The following PRKCA variants were observed in gnomAD, a reference collection of about 807,000 sequenced individuals.
PRKCA encodes the protein protein kinase C alpha.
A neutral mutation model predicts 87.0 loss-of-function variants in PRKCA; 27 were observed. The ratio of observed to expected loss-of-function variants is 0.31; its 90% confidence interval spans 0.23 to 0.43. PRKCA has a LOEUF of 0.43. PRKCA is among the 20% of genes least tolerant of loss of function. The pLI, the probability that PRKCA is intolerant of heterozygous loss-of-function variation, is 1.00. For missense variants in PRKCA, 518 were observed against 852.3 expected (o/e 0.61, Z 4.88); for synonymous variants, 329 against 311.1 (o/e 1.06, Z -0.61).
At chr17:66,586,412 A>G (rs1008889934) in intron 3 of PRKCA, among the ~76,000 whole-genome samples, 2 of 152,226 alleles carry the variant, frequency 1.3e-5, no homozygotes, top group African/African-American at 2.4e-5. Flanking sequence ...CTTTCTGCTA[A>G]TAATATCTTC....
Position 66,306,100 on chromosome 17 carries a change from T to C in PRKCA, c.178T>C (p.Phe60Leu), listed in dbSNP as rs1208642777. The C allele has an allele frequency of 6.2e-7, 1 of 1,612,184 alleles. No individual in the cohort carries two copies. The highest frequency in any genetic ancestry group is 8.5e-7 in the Non-Finnish European group (1 of 1,179,402). Residue 60 changes from phenylalanine to leucine, a missense_variant, in exon 2 of 17, where the codon TTT (phenylalanine) becomes CTT (leucine). Physicochemically the swap from Phe to Leu is conservative, Grantham distance 22. Transcript: ENST00000413366. ...GTTCTTGTTTTTGTTTTTCAGGGGG[T>C]TTGGGAAACAAGGCTTCCAGTGCCA... ...CSHCTDFIWG[F>L]GKQGFQCQVC...
In PRKCA at chr17:66,409,667, C is replaced by T. The variant is rs1268517414; in HGVS notation, c.206-86534C>T. ...ACTCAGGGCTGGGCGCGGTGGCTCA[C>T]GCCTGTAATCCCAGCACTTTGGGAG... On this transcript the variant is annotated intron_variant, in intron 2 of 16. Coordinates refer to ENST00000413366, the MANE Select transcript of PRKCA (RefSeq NM_002737.3). 2.3e-4 allele frequency among the ~76,000 whole-genome samples: 35 copies of T among 152,292 alleles called. 1 individual carries two copies. The highest frequency in any genetic ancestry group is 2.0e-3 in the Admixed American group (31 of 15,300).
chr17:66,795,951 T>C (rs1241633116), intron 16 of PRKCA, among the ~76,000 whole-genome samples: 1 of 152,222 alleles, frequency 6.6e-6, no homozygotes, highest in Non-Finnish European at 1.5e-5. Context: ...AGCAAACTCA[T>C]CAACGGAATC....
chr17:66,520,125 ATTTTTTTTTT>A (rs35377147), intron 3 of PRKCA, among the ~76,000 whole-genome samples: 1 of 133,956 alleles, frequency 7.5e-6, no homozygotes, highest in Non-Finnish European at 1.6e-5. Flanking sequence ...CACACTAATA[ATTTTTTTTTT>A]TTTTTTTTTT....
At chr17:66,526,862 G>T (rs1967363236) in intron 3 of PRKCA, among the ~76,000 whole-genome samples, 2 of 152,186 alleles carry the variant, frequency 1.3e-5, no homozygotes, top group South Asian at 4.1e-4. Flanking sequence ...AATTAGTTTG[G>T]AGATGGTGAA....
chr17:66,335,211 C>G (rs1338886771), intron 2 of PRKCA, among the ~76,000 whole-genome samples: 2 of 152,144 alleles, frequency 1.3e-5, no homozygotes, highest in Non-Finnish European at 2.9e-5. Flanking sequence ...TCATGACATC[C>G]TCCATCTCCT....
intron 2 of PRKCA, among the ~76,000 whole-genome samples, chr17:66,439,228 T>C (rs1411214557): frequency 6.6e-6 from 1 of 152,108 alleles, no homozygotes; most frequent in African/African-American, 2.4e-5. Flanking sequence ...TTGTCCAGGC[T>C]GGAGTGCAGT....
intron 3 of PRKCA, among the ~76,000 whole-genome samples, chr17:66,587,671 A>G (rs1427925455): frequency 6.7e-6 from 1 of 149,120 alleles, no homozygotes; most frequent in East Asian, 2.0e-4. Flanking sequence ...ATATATACAT[A>G]TATACGTATA....
intron 1 of PRKCA, among the ~76,000 whole-genome samples, chr17:66,304,163 T>C (rs12945884): frequency 0.43 from 65,848 of 151,890 alleles, 14,673 homozygotes; most frequent in Non-Finnish European, 0.49. Context: ...CCCTGGGGGC[T>C]TATGGAGAAT....
chr17:66,531,929 T>C (rs1390632859), intron 3 of PRKCA, among the ~76,000 whole-genome samples: 1 of 152,190 alleles, frequency 6.6e-6, no homozygotes, highest in Non-Finnish European at 1.5e-5. Flanking sequence ...GAATTTGATT[T>C]TCCCAGAGAG....
intron 5 of PRKCA, among the ~76,000 whole-genome samples, chr17:66,659,635 A>G (rs138717861): frequency 6.2e-4 from 95 of 152,302 alleles, no homozygotes; most frequent in Non-Finnish European, 9.9e-4. Context: ...TTTGGTCCCA[A>G]CTACTCAGGA....
At chr17:66,687,052 C>CAGCGG (rs1972648514) in intron 5 of PRKCA, 59 bp from the exon 6 acceptor site, 5 of 1,427,014 alleles carry the variant, frequency 3.5e-6, no homozygotes, top group Non-Finnish European at 3.9e-6. Flanking sequence ...TGACACAAGA[C>CAGCGG]AGCGGGCAAT....
chr17:66,647,018 G>A (rs1210700863), intron 5 of PRKCA, among the ~76,000 whole-genome samples: 1 of 152,156 alleles, frequency 6.6e-6, no homozygotes, highest in African/African-American at 2.4e-5. Context: ...TTTTTAATGG[G>A]CTGATGCTGT....
At chr17:66,540,629 C>T (rs1299622615) in intron 3 of PRKCA, among the ~76,000 whole-genome samples, 1 of 152,082 alleles carries the variant, frequency 6.6e-6, no homozygotes. Context: ...GCCAGCTGGG[C>T]CTGAAGGCAA....
At chr17:66,577,167 G>A (rs1969264771) in intron 3 of PRKCA, among the ~76,000 whole-genome samples, 1 of 152,168 alleles carries the variant, frequency 6.6e-6, no homozygotes, top group African/African-American at 2.4e-5. Context: ...ACCGTGCCTG[G>A]CCCTGTGATG....
At chr17:66,457,886 T>C (rs1914642412) in intron 2 of PRKCA, among the ~76,000 whole-genome samples, 1 of 152,182 alleles carries the variant, frequency 6.6e-6, no homozygotes, top group Non-Finnish European at 1.5e-5. Flanking sequence ...ACTACAGCCA[T>C]GATCACTAGC....
rs958018438 is a variant in PRKCA at position 66,792,767 on chromosome 17, C to T, written c.1854+3788C>T. ...ATCGAGTGTGTGGGACAGTGGCCAT[C>T]TCCCTTAGCAGTGGCCACCTTCCCT... is the stretch of plus-strand genomic sequence containing the variant. On this transcript the variant is annotated intron_variant, in intron 16 of 16. Coordinates refer to ENST00000413366, the MANE Select transcript of PRKCA (RefSeq NM_002737.3). The surrounding 1 kb of genome is among the most constrained non-coding windows in gnomAD (Gnocchi z 4.5). 3.3e-5 allele frequency among the ~76,000 whole-genome samples: 5 copies of T among 152,226 alleles called. No homozygotes were observed. The highest frequency in any genetic ancestry group is 9.6e-5 in the African/African-American group (4 of 41,460).
chr17:66,326,097 C>A (rs959531326), intron 2 of PRKCA, among the ~76,000 whole-genome samples: 4 of 152,146 alleles, frequency 2.6e-5, no homozygotes, highest in African/African-American at 9.7e-5. Flanking sequence ...ATGTAGATAT[C>A]TTTTCTCATT....
Position 66,622,984 on chromosome 17 carries a change from A to G in PRKCA, c.289-18371A>G, listed in dbSNP as rs187542298. 1.2e-3 allele frequency among the ~76,000 whole-genome samples: 189 copies of G among 152,348 alleles called. 1 individual carries two copies. The South Asian group carries it at 0.037, about 30-fold the overall frequency. On this transcript the variant is annotated intron_variant, in intron 3 of 16. Transcript: ENST00000413366. ...GCCAAACCATATCATGACTCTTCCC[A>G]GGAAACCGTTGATTTGTGAGTTGAA...
Sources: gnomAD v4.1 joint callset for allele counts (sites outside exome capture counted in the v4.1 genomes callset) on GRCh38, gnomAD v4.1.1 for gene constraint, Gnocchi (gnomAD v3.1) non-coding constraint, MANE v1.5 for transcripts, NCBI Gene and HGNC (gene_info 2026-07-23, HGNC 2026-07-21) for gene names.